Variants in TMEM132C observed in about 807,000 individuals in gnomAD.
TMEM132C encodes the protein transmembrane protein 132C, also known as protein phosphatase 1, regulatory subunit 152.
TMEM132C carries 29 observed loss-of-function variants against 61.4 expected under a neutral mutation model. The observed-to-expected ratio is 0.47, with a 90% confidence interval of 0.35 to 0.64. TMEM132C has a LOEUF of 0.64. Among genes scored for constraint, TMEM132C ranks in the 30% least tolerant of loss-of-function variants. The probability of loss-of-function intolerance (pLI) is 0.00; values close to 1 mark genes in which losing one functional copy is unlikely to be tolerated. For synonymous variants in TMEM132C, 656 were observed against 633.1 expected, an observed-to-expected ratio of 1.04 and a Z score of -0.54; for missense variants, 1,408 against 1,476.9, an observed-to-expected ratio of 0.95 and a Z score of 0.76.
chr12:128,310,547 T>C (rs938867661), intron 1 of TMEM132C, among the ~76,000 whole-genome samples: 39 of 150,964 alleles, frequency 2.6e-4, no homozygotes, highest in Middle Eastern at 3.5e-3. Context: ...GGGTCGGGGG[T>C]TTGCCACACG....
chr12:128,633,686 G>C (rs79625670), intron 4 of TMEM132C, among the ~76,000 whole-genome samples: 2,368 of 152,300 alleles, frequency 0.016, 60 homozygotes, highest in African/African-American at 0.055. Flanking sequence ...GTACCAAAAA[G>C]AGATGTTTGG....
intron 2 of TMEM132C, among the ~76,000 whole-genome samples, chr12:128,457,758 G>A (rs1418185487): frequency 1.3e-5 from 2 of 152,020 alleles, no homozygotes; most frequent in Admixed American, 6.6e-5. Context: ...AAGAGAAATG[G>A]GCCAAGTTTA....
intron 3 of TMEM132C, among the ~76,000 whole-genome samples, chr12:128,565,874 T>A: frequency 2.1e-5 from 3 of 141,086 alleles, no homozygotes; most frequent in African/African-American, 5.4e-5. Context: ...TCTAAATAGG[T>A]GAAAAAAAAA....
At chr12:128,357,874 A>G (rs1242316223) in intron 1 of TMEM132C, among the ~76,000 whole-genome samples, 1 of 149,746 alleles carries the variant, frequency 6.7e-6, no homozygotes, top group Non-Finnish European at 1.5e-5. Flanking sequence ...AGCACATCAC[A>G]CACACATCCC....
At chr12:128,473,523 C>G (rs1413356095) in intron 2 of TMEM132C, among the ~76,000 whole-genome samples, 2 of 146,390 alleles carry the variant, frequency 1.4e-5, no homozygotes, top group Non-Finnish European at 3.0e-5. Flanking sequence ...TCTTCATCTT[C>G]ACTCCACCAT....
At chr12:128,702,819 G>T (rs1453943970) in intron 8 of TMEM132C, among the ~76,000 whole-genome samples, 1 of 152,178 alleles carries the variant, frequency 6.6e-6, no homozygotes, top group Non-Finnish European at 1.5e-5. Flanking sequence ...ATTTTCCCAT[G>T]CCCCGTCCAT....
At chr12:128,492,657 A>G (rs1871781764) in intron 2 of TMEM132C, among the ~76,000 whole-genome samples, 1 of 152,092 alleles carries the variant, frequency 6.6e-6, no homozygotes, top group East Asian at 1.9e-4. Context: ...TTCTTTTGAG[A>G]AGTGTCTGTT....
chr12:128,283,092 T>C (rs1870948549), intron 1 of TMEM132C, among the ~76,000 whole-genome samples: 1 of 152,230 alleles, frequency 6.6e-6, no homozygotes, highest in African/African-American at 2.4e-5. Flanking sequence ...CATTAGAATT[T>C]CAACATTTCA....
rs112947979 is a variant in TMEM132C at position 128,436,958 on chromosome 12, A to G, written c.974+21338A>G. Among the ~76,000 whole-genome samples the G allele has an allele frequency of 2.7e-3, 418 of 152,346 alleles. 1 individual carries two copies. The highest frequency in any genetic ancestry group is 0.016 in the East Asian group (85 of 5,178). On this transcript the variant is annotated intron_variant, in intron 2 of 8. Coordinates refer to ENST00000435159, the MANE Select transcript of TMEM132C (RefSeq NM_001136103.3). ...TGGCACATATACACCATGGAATACT[A>G]TGCAGCCATAAAAAAGGATGAGTTC... is the stretch of plus-strand genomic sequence containing the variant.
chr12:128,658,066 C>T (rs1187929281), intron 4 of TMEM132C, among the ~76,000 whole-genome samples: 1 of 148,396 alleles, frequency 6.7e-6, no homozygotes, highest in African/African-American at 2.5e-5. Context: ...CCATGGAGGC[C>T]TCAAGGCAGG....
chr12:128,316,187 G>A (rs551634777), intron 1 of TMEM132C, among the ~76,000 whole-genome samples: 1 of 152,166 alleles, frequency 6.6e-6, no homozygotes, highest in Admixed American at 6.5e-5. Context: ...ATATTACCAC[G>A]CTTTGTCACT....
chr12:128,375,702 A>T (rs1874171558), intron 1 of TMEM132C, among the ~76,000 whole-genome samples: 1 of 152,208 alleles, frequency 6.6e-6, no homozygotes, highest in Non-Finnish European at 1.5e-5. Context: ...GCACTTGGAC[A>T]CAGCTCTTTG....
At chr12:128,349,524 C>G (rs527729602) in intron 1 of TMEM132C, among the ~76,000 whole-genome samples, 29 of 152,278 alleles carry the variant, frequency 1.9e-4, no homozygotes, top group African/African-American at 6.5e-4. Flanking sequence ...GACAAGCACT[C>G]CCCACCTCCC....
intron 2 of TMEM132C, among the ~76,000 whole-genome samples, chr12:128,453,762 C>T (rs1870255309): frequency 6.6e-6 from 1 of 152,128 alleles, no homozygotes; most frequent in Admixed American, 6.5e-5. Context: ...GGAGGTGAGG[C>T]ACCACCCCGC....
rs571857228 is a variant in TMEM132C, at chr12:128,327,112, G to A, written c.85+59625G>A. On this transcript the variant is annotated intron_variant, in intron 1 of 8. Transcript: ENST00000435159. The stretch of plus-strand genomic sequence containing the variant: ...ACTTAATCATTTACCAGACCCAGAT[G>A]GAGTGATTTTAATGGGGCAGGCAGC... Among the ~76,000 whole-genome samples the A allele has an allele frequency of 5.3e-5, 8 of 150,104 alleles. No individual in the cohort carries two copies. The South Asian group carries it at 1.5e-3, about 27-fold the overall frequency.
At chr12:128,686,631 A>G (rs1431360233) in intron 5 of TMEM132C, among the ~76,000 whole-genome samples, 1 of 152,092 alleles carries the variant, frequency 6.6e-6, no homozygotes, top group Non-Finnish European at 1.5e-5. Flanking sequence ...GCCAAATGTG[A>G]TGGGAGGCCA....
chr12:128,556,866 C>T (rs1260040855), intron 3 of TMEM132C, among the ~76,000 whole-genome samples: 2 of 152,076 alleles, frequency 1.3e-5, no homozygotes, highest in Non-Finnish European at 2.9e-5. Context: ...GCATGAGAGA[C>T]CCAAGCCAAA....
chr12:128,485,408 C>A (rs1871453637), intron 2 of TMEM132C, among the ~76,000 whole-genome samples: 1 of 152,150 alleles, frequency 6.6e-6, no homozygotes, highest in Admixed American at 6.5e-5. Context: ...AACTCCTGAC[C>A]TCAGGTGATT....
chr12:128,406,286 G>A (rs556232496), intron 1 of TMEM132C, among the ~76,000 whole-genome samples: 97 of 152,244 alleles, frequency 6.4e-4, no homozygotes, highest in African/African-American at 2.2e-3. Flanking sequence ...TCATGTTTGG[G>A]CTATTGGTCA....
Sources: gnomAD v4.1 joint callset for allele counts (sites outside exome capture counted in the v4.1 genomes callset) on GRCh38, gnomAD v4.1.1 for gene constraint, MANE v1.5 for transcripts, NCBI Gene and HGNC (gene_info 2026-07-23, HGNC 2026-07-21) for gene names.